The following SHPRH variants were observed in gnomAD, a reference collection of about 807,000 sequenced individuals.
SHPRH encodes E3 ubiquitin-protein ligase SHPRH.
Under a neutral mutation model 202.5 loss-of-function variants are expected in SHPRH, and 106 were observed. That is an observed-to-expected ratio of 0.52 (90% confidence interval 0.45 to 0.62). The LOEUF is 0.62. SHPRH is among the 20% of genes least tolerant of loss of function. The probability of loss-of-function intolerance (pLI) is 0.00; values close to 1 mark genes in which losing one functional copy is unlikely to be tolerated. For missense variants in SHPRH, 1,710 were observed against 2,020.0 expected (o/e 0.85, Z 2.94); for synonymous variants, 729 against 686.0 (o/e 1.06, Z -0.98).
chr6:145,951,056 T>C (rs996084209), intron 3 of SHPRH, among the ~76,000 whole-genome samples: 5 of 152,110 alleles, frequency 3.3e-5, no homozygotes, highest in Admixed American at 2.6e-4. Context: ...TAGAAAAGGA[T>C]AGGCATTTGG....
At chr6:145,887,958 A>G in intron 29 of SHPRH, 62 bp downstream of exon 29, 2 of 1,296,032 alleles carry the variant, frequency 1.5e-6, no homozygotes, top group South Asian at 1.2e-5. Flanking sequence ...AAGAAGTTCT[A>G]AAGATACAAA....
chr6:145,940,224 CATT>C (rs1336553507), intron 11 of SHPRH, among the ~76,000 whole-genome samples: 1 of 152,062 alleles, frequency 6.6e-6, no homozygotes, highest in Non-Finnish European at 1.5e-5. Flanking sequence ...TATAGTGTGA[CATT>C]ATAAGACTAC....
At chr6:145,936,978 C>CTTCTTTT (rs1390044172) in intron 11 of SHPRH, among the ~76,000 whole-genome samples, 2 of 125,664 alleles carry the variant, frequency 1.6e-5, no homozygotes, top group African/African-American at 6.0e-5. Context: ...CATGCTTCAT[C>CTTCTTTT]TTTTTTTTTT....
chr6:145,930,877 A>G (rs1785367824), intron 14 of SHPRH, among the ~76,000 whole-genome samples: 1 of 152,092 alleles, frequency 6.6e-6, no homozygotes, highest in African/African-American at 2.4e-5. Context: ...TTTAGTATTT[A>G]TTTTGAAACT....
intron 16 of SHPRH, among the ~76,000 whole-genome samples, chr6:145,925,393 G>T (rs560645587): frequency 7.0e-6 from 1 of 142,264 alleles, no homozygotes; most frequent in South Asian, 2.2e-4. Flanking sequence ...AAATAAAGAG[G>T]TAATTGATTT....
chr6:145,916,249 G>GT (rs1783941832), intron 23 of SHPRH, among the ~76,000 whole-genome samples: 1 of 151,996 alleles, frequency 6.6e-6, no homozygotes, highest in East Asian at 1.9e-4. Flanking sequence ...TCACATACAG[G>GT]TTGAGCATTC....
intron 23 of SHPRH, among the ~76,000 whole-genome samples, chr6:145,915,869 T>A (rs986081438): frequency 1.3e-5 from 2 of 152,096 alleles, no homozygotes; most frequent in African/African-American, 2.4e-5. Flanking sequence ...TTTAAGATAT[T>A]TGTCATAATT....
In SHPRH at chr6:145,939,250, G is replaced by T. The variant is rs567034133; in HGVS notation, c.2569+1473C>A. ...GAAAGACAAAATTCTAGAAAGTCTG[G>T]AAAAGCTCTTTTGGAGCTGACTTGG... On this transcript the variant is annotated intron_variant, in intron 11 of 29. Transcript: ENST00000275233. Among the ~76,000 whole-genome samples, 13 of 152,272 alleles carry T rather than the reference G, an allele frequency of 8.5e-5. No homozygotes were observed. In the East Asian group the frequency reaches 2.5e-3, roughly 29 times the overall value.
intron 25 of SHPRH, chr6:145,905,269 G>A (rs1423966043): frequency 6.6e-6 from 1 of 152,196 alleles, no homozygotes; most frequent in African/African-American, 2.4e-5. Flanking sequence ...TATCTTTATG[G>A]AAAGGAAAGG....
Position 145,922,721 on chromosome 6 carries a change from T to C in SHPRH, c.3661A>G (p.Asn1221Asp), listed in dbSNP as rs1784528058. 1 of 1,612,058 alleles carries C rather than the reference T, an allele frequency of 6.2e-7. No homozygotes were observed. Among genetic ancestry groups the C allele is most frequent in the Non-Finnish European group, 8.5e-7 (1 of 1,178,844 alleles). ...VKNLEGPPSR[N>D]VIESATVCHL... ...CAGACTGTTGCAGACTCAATAACAT[T>C]ACGAGATGGAGGTCCCTCCAGGTTT... is the stretch of plus-strand genomic sequence containing the variant. The change falls in exon 19 of 30, where the codon AAT becomes GAT. Residue 1221 changes from asparagine (N) to aspartate (D), a missense_variant. Around this residue, in one of 8 missense-constraint regions of SHPRH, gnomAD observed 288 missense variants for 317.8 expected, o/e 0.91. Transcript: ENST00000275233.
intron 10 of SHPRH, 54 bp downstream of exon 10, chr6:145,941,569 A>G: frequency 1.3e-6 from 2 of 1,599,448 alleles, no homozygotes; most frequent in Admixed American, 1.7e-5. Flanking sequence ...AGGTCCCCTA[A>G]TTCCTTTTCA....
rs186417130 is a variant in SHPRH at position 145,892,288 on chromosome 6, T to C, written c.4874+927A>G. ...CCTTTTCCAGCCAACTTTGAAATAATTATTCCTTCAAGACTTAACACCATA... is the reference window on the plus strand; with the variant it reads ...CCTTTTCCAGCCAACTTTGAAATAACTATTCCTTCAAGACTTAACACCATA... On this transcript the variant is annotated intron_variant, in intron 28 of 29. Transcript: ENST00000275233. 3.8e-3 allele frequency among the ~76,000 whole-genome samples: 586 copies of C among 152,296 alleles called. 3 individuals carry two copies. Among genetic ancestry groups the C allele is most frequent in the Middle Eastern group, 6.8e-3 (2 of 294 alleles).
intron 25 of SHPRH, chr6:145,909,029 G>T (rs944680538): frequency 7.2e-5 from 11 of 151,950 alleles, no homozygotes; most frequent in Admixed American, 2.6e-4. Flanking sequence ...GTTTGTTTTT[G>T]TCGGGTCTGT....
intron 25 of SHPRH, chr6:145,909,252 A>G (rs912122579): frequency 6.6e-6 from 1 of 151,950 alleles, no homozygotes; most frequent in East Asian, 1.9e-4. Context: ...TCCTGCCCCA[A>G]CTCAAACTCC....
intron 11 of SHPRH, among the ~76,000 whole-genome samples, chr6:145,938,155 T>C (rs1786321376): frequency 6.6e-6 from 1 of 152,174 alleles, no homozygotes; most frequent in Non-Finnish European, 1.5e-5. Flanking sequence ...GGCCTAATTA[T>C]ATGTGACTCA....
At position 145,952,355 on chromosome 6, in the gene SHPRH, T is replaced by A; in HGVS notation, c.757A>T (p.Ile253Phe). The A allele has an allele frequency of 6.3e-7, 1 of 1,598,148 alleles. No individual in the cohort carries two copies. The highest frequency in any genetic ancestry group is 8.5e-7 in the Non-Finnish European group (1 of 1,173,112). Residue 253 changes from isoleucine to phenylalanine, a missense_variant, in exon 3 of 30, where the codon ATT becomes TTT. This residue lies in a region of SHPRH where 459 missense variants were observed against 426.5 expected (regional missense o/e 1.08). Transcript: ENST00000275233. ...AGTTTACTGTAAATATTACCTGGAA[T>A]AATAGAATTGTGTAACTTTTCCATT... is the stretch of plus-strand genomic sequence containing the variant. The part of the protein sequence containing the change: ...KVMEKLHNSI[I>F]PDVLEEDEDD...
rs35225414 is a variant in SHPRH, at chr6:145,893,427, G to A, written c.4696-34C>T. 4.9e-4 allele frequency: 754 copies of A among 1,532,570 alleles called. 6 individuals are homozygous for A. The East Asian group carries it at 9.8e-3, about 20-fold the overall frequency. The allele number at this position is 1,532,570 out of a possible 1,614,324, so 94.9% of individuals were successfully genotyped here. A position where few individuals can be genotyped will look rare whatever the true frequency, so the allele number is the denominator to read the frequency against. ...GAAAGGTACATTTTAATTTTAGCTCGATCAGTTAAAATAAGAGCAGTATGT... is the reference window on the plus strand; with the variant it reads ...GAAAGGTACATTTTAATTTTAGCTCAATCAGTTAAAATAAGAGCAGTATGT... On this transcript the variant is annotated intron_variant, in intron 27 of 29. Coordinates refer to ENST00000275233, the MANE Select transcript of SHPRH (RefSeq NM_001042683.3).
intron 4 of SHPRH, among the ~76,000 whole-genome samples, chr6:145,949,802 C>G (rs1787787397): frequency 6.6e-6 from 1 of 152,022 alleles, no homozygotes; most frequent in South Asian, 2.1e-4. Context: ...CAACAGATGA[C>G]ATTTTATTAC....
intron 11 of SHPRH, among the ~76,000 whole-genome samples, chr6:145,936,902 T>C (rs1310569294): frequency 6.6e-6 from 1 of 152,144 alleles, no homozygotes; most frequent in Non-Finnish European, 1.5e-5. Context: ...TTACCTCTTT[T>C]TTGAGGTCCC....
Sources: allele counts gnomAD v4.1 joint callset (sites outside exome capture counted in the v4.1 genomes callset), GRCh38; gene constraint gnomAD v4.1.1; regional missense constraint gnomAD v4.1.1; transcripts MANE v1.5; gene names NCBI Gene and HGNC (gene_info 2026-07-23, HGNC 2026-07-21).